The following TMEM132B variants were observed in gnomAD, a reference collection of about 807,000 sequenced individuals.
The protein encoded by TMEM132B is transmembrane protein 132B.
In TMEM132B, 18 loss-of-function variants were observed where a neutral mutation model predicts 90.8. That is an observed-to-expected ratio of 0.20 (90% CI 0.14 to 0.29). TMEM132B has a LOEUF of 0.29. TMEM132B is among the 10% of genes least tolerant of loss of function. The pLI, the probability that TMEM132B is intolerant of heterozygous loss-of-function variation, is 1.00. For missense variants in TMEM132B, 1,096 were observed against 1,326.8 expected, an observed-to-expected ratio of 0.83 and a Z score of 2.70; for synonymous variants, 504 against 523.3, an observed-to-expected ratio of 0.96 and a Z score of 0.50.
chr12:125,306,699 G>A (rs186143968), intron 1 of TMEM132B, among the ~76,000 whole-genome samples: 1 of 152,142 alleles, frequency 6.6e-6, no homozygotes, highest in Non-Finnish European at 1.5e-5. Flanking sequence ...CCATTGCAGT[G>A]GCCTCCTCCT....
intron 5 of TMEM132B, chr12:125,585,110 A>T (rs993763405): frequency 5.9e-5 from 9 of 152,316 alleles, no homozygotes; most frequent in African/African-American, 2.2e-4. Context: ...GCTGTGTCTT[A>T]AGCAAGAGAC....
intron 3 of TMEM132B, among the ~76,000 whole-genome samples, chr12:125,447,488 G>C (rs1881038339): frequency 6.6e-6 from 1 of 152,014 alleles, no homozygotes. Context: ...ATCATGCTCT[G>C]TATACGCCAT....
chr12:125,462,116 G>C (rs1359252933), intron 3 of TMEM132B, among the ~76,000 whole-genome samples: 1 of 152,162 alleles, frequency 6.6e-6, no homozygotes, highest in Non-Finnish European at 1.5e-5. Context: ...GACTAAAAGT[G>C]TGGAATGGTA....
At chr12:125,228,107 C>A (rs1873722205) in intron 1 of TMEM132B, among the ~76,000 whole-genome samples, 1 of 152,192 alleles carries the variant, frequency 6.6e-6, no homozygotes, top group Admixed American at 6.5e-5. Context: ...GATCCCAAAT[C>A]AAGACATCAA....
rs185488571 is a variant in TMEM132B, at chr12:125,272,670, T to C, written c.68-76782T>C. On this transcript the variant is annotated intron_variant, in intron 1 of 8. Coordinates refer to ENST00000682704, the MANE Select transcript of TMEM132B (RefSeq NM_001366854.1). ...TTATTTATGATAGCTGATTCACAAT[T>C]GTCTCCATGGCAATGGGGGAGCTAA... Among the ~76,000 whole-genome samples, 346 of 152,310 alleles carry C rather than the reference T, an allele frequency of 2.3e-3. 1 individual carries two copies. The highest frequency in any genetic ancestry group is 8.1e-3 in the African/African-American group (336 of 41,558).
chr12:125,350,439 A>C, intron 2 of TMEM132B, 96 bp downstream of exon 2: 1 of 1,370,756 alleles, frequency 7.3e-7, no homozygotes, highest in Non-Finnish European at 9.9e-7. Context: ...TTTGCTGACT[A>C]TTGTCAAAAA....
At chr12:125,619,451 GCCTCCC>G (rs1886069458) in intron 5 of TMEM132B, among the ~76,000 whole-genome samples, 1 of 151,918 alleles carries the variant, frequency 6.6e-6, no homozygotes, top group African/African-American at 2.4e-5. Flanking sequence ...TGCAACTTCT[GCCTCCC>G]GGGTTCAAGC....
At chr12:125,638,330 A>G (rs11615351) in intron 5 of TMEM132B, among the ~76,000 whole-genome samples, 16,183 of 152,236 alleles carry the variant, frequency 0.11, 1,083 homozygotes, top group South Asian at 0.2. Context: ...CGCAGGGTTC[A>G]TAGTAAGAAC....
intron 1 of TMEM132B, among the ~76,000 whole-genome samples, chr12:125,343,176 A>T (rs905691775): frequency 2.0e-5 from 3 of 152,120 alleles, no homozygotes; most frequent in Admixed American, 6.5e-5. Flanking sequence ...GTTGCATAGG[A>T]TCTTCCTCCT....
intron 1 of TMEM132B, among the ~76,000 whole-genome samples, chr12:125,206,674 C>T (rs1162622834): frequency 1.3e-5 from 2 of 152,054 alleles, no homozygotes; most frequent in African/African-American, 4.8e-5. Flanking sequence ...TGTGTCTTGT[C>T]CTTGTGGTGG....
chr12:125,355,911 A>G (rs1877753467), intron 2 of TMEM132B, among the ~76,000 whole-genome samples: 1 of 152,162 alleles, frequency 6.6e-6, no homozygotes, highest in Non-Finnish European at 1.5e-5. Context: ...TAATACCAAG[A>G]TAGATTCTGT....
In TMEM132B at chr12:125,243,084, CACAT is replaced by C. The variant is rs552357915; in HGVS notation, c.67+56224_67+56227del. 2.4e-3 allele frequency among the ~76,000 whole-genome samples: 337 copies of C among 140,180 alleles called. 2 individuals are homozygous for C. The highest frequency in any genetic ancestry group is 8.5e-3 in the African/African-American group (320 of 37,756). The allele number at this position is 140,180 out of a possible 152,430, so 92.0% of individuals were successfully genotyped here. A position where few individuals can be genotyped will look rare whatever the true frequency, so the allele number is the denominator to read the frequency against. On this transcript the variant is annotated intron_variant, in intron 1 of 8. Coordinates refer to ENST00000682704, the MANE Select transcript of TMEM132B (RefSeq NM_001366854.1). ...ATATACACACACATATACATATATA[CACAT>C]ACATATACATATATATATACACATA...
intron 3 of TMEM132B, among the ~76,000 whole-genome samples, chr12:125,429,160 A>G (rs1475225211): frequency 6.6e-6 from 1 of 151,402 alleles, no homozygotes; most frequent in African/African-American, 2.4e-5. Context: ...ACTAGAGTCC[A>G]TAGTTTATTC....
At chr12:125,464,599 A>T (rs993325472) in intron 3 of TMEM132B, among the ~76,000 whole-genome samples, 14 of 152,192 alleles carry the variant, frequency 9.2e-5, no homozygotes, top group African/African-American at 3.4e-4. Flanking sequence ...GCAGGTGCTC[A>T]GTGACTGAAG....
chr12:125,323,937 G>A, intron 1 of TMEM132B, among the ~76,000 whole-genome samples: 1 of 152,128 alleles, frequency 6.6e-6, no homozygotes, highest in East Asian at 1.9e-4. Context: ...AATCATGTGA[G>A]CATTATAGAA....
At chr12:125,434,223 C>T (rs959767162) in intron 3 of TMEM132B, among the ~76,000 whole-genome samples, 4 of 152,236 alleles carry the variant, frequency 2.6e-5, no homozygotes, top group Non-Finnish European at 4.4e-5. Context: ...TCTCATTCTC[C>T]GACCCTGACG....
At chr12:125,589,267 G>T (rs1449101841) in intron 5 of TMEM132B, among the ~76,000 whole-genome samples, 9 of 152,034 alleles carry the variant, frequency 5.9e-5, no homozygotes, top group Admixed American at 5.2e-4. Flanking sequence ...CAGATCACGA[G>T]GTCAGGAGAT....
At chr12:125,469,665 C>T (rs1382665317) in intron 3 of TMEM132B, among the ~76,000 whole-genome samples, 1 of 152,156 alleles carries the variant, frequency 6.6e-6, no homozygotes, top group African/African-American at 2.4e-5. Context: ...CTTCTCCCCT[C>T]AAAATGAAGA....
At chr12:125,614,798 G>C (rs1240561835) in intron 5 of TMEM132B, among the ~76,000 whole-genome samples, 1 of 152,174 alleles carries the variant, frequency 6.6e-6, no homozygotes, top group Non-Finnish European at 1.5e-5. Context: ...TGTGGATTCA[G>C]ATTACTGTCT....
Sources: gnomAD v4.1 joint callset for allele counts (sites outside exome capture counted in the v4.1 genomes callset) on GRCh38, gnomAD v4.1.1 for gene constraint, MANE v1.5 for transcripts, NCBI Gene and HGNC (gene_info 2026-07-23, HGNC 2026-07-21) for gene names.